The following ADAMTSL1 variants were observed in gnomAD, a reference collection of about 807,000 sequenced individuals.
ADAMTSL1 encodes ADAMTS like 1.
ADAMTSL1 carries 126 observed loss-of-function variants against 201.8 expected under a neutral mutation model. That is an observed-to-expected ratio of 0.62 (90% CI 0.54 to 0.72). The LOEUF (loss-of-function observed/expected upper bound fraction) is 0.72. Ranked by LOEUF, ADAMTSL1 falls within the 30% of genes least tolerant of loss-of-function variation. The pLI is 0.00. For synonymous variants in ADAMTSL1, 1,121 were observed against 903.4 expected, an observed-to-expected ratio of 1.24 and a Z score of -4.32; for missense variants, 2,679 against 2,277.8, an observed-to-expected ratio of 1.18 and a Z score of -3.59.
At chr9:17,918,785 A>G (rs906321646) in intron 1 of ADAMTSL1, among the ~76,000 whole-genome samples, 4 of 151,878 alleles carry the variant, frequency 2.6e-5, no homozygotes, top group African/African-American at 7.2e-5. Context: ...TGACATCTCT[A>G]TATTACCACT....
intron 2 of ADAMTSL1, among the ~76,000 whole-genome samples, chr9:18,319,135 C>T (rs1047184850): frequency 6.6e-6 from 1 of 151,956 alleles, no homozygotes; most frequent in Non-Finnish European, 1.5e-5. Flanking sequence ...CACTTGAGCC[C>T]AGGAGTTCAA....
At chr9:18,662,206 A>T in intron 9 of ADAMTSL1, 133 bp downstream of exon 9, 2 of 1,216,080 alleles carry the variant, frequency 1.6e-6, no homozygotes, top group Non-Finnish European at 2.3e-6. Flanking sequence ...TCCAGTGTTC[A>T]TTACTAATCA....
chr9:18,902,510 G>A (rs1830069039), intron 26 of ADAMTSL1, among the ~76,000 whole-genome samples: 1 of 69,486 alleles, frequency 1.4e-5, no homozygotes, highest in Non-Finnish European at 3.8e-5. Context: ...CAGTAAATCA[G>A]TCAGAAAAGA....
intron 2 of ADAMTSL1, among the ~76,000 whole-genome samples, chr9:18,440,372 T>G (rs928243447): frequency 5.3e-5 from 8 of 152,034 alleles, no homozygotes; most frequent in African/African-American, 1.9e-4. Context: ...GTTAGGTTTC[T>G]ATAAATACTA....
At chr9:18,262,572 C>A (rs944766888) in intron 2 of ADAMTSL1, among the ~76,000 whole-genome samples, 2 of 152,060 alleles carry the variant, frequency 1.3e-5, no homozygotes, top group Non-Finnish European at 1.5e-5. Context: ...ATGGGAGCTT[C>A]TTGCAGGAGT....
intron 1 of ADAMTSL1, among the ~76,000 whole-genome samples, chr9:17,974,476 C>A (rs1818355916): frequency 6.6e-6 from 1 of 151,980 alleles, no homozygotes; most frequent in African/African-American, 2.4e-5. Flanking sequence ...ACTTATTCAT[C>A]CTACGTAACT....
chr9:18,648,676 G>C (rs1386270476), intron 7 of ADAMTSL1, among the ~76,000 whole-genome samples: 1 of 151,838 alleles, frequency 6.6e-6, no homozygotes, highest in Admixed American at 6.6e-5. Context: ...TGAAATTCTG[G>C]GTTGAAAATT....
intron 4 of ADAMTSL1, among the ~76,000 whole-genome samples, chr9:18,576,435 C>T (rs1240470002): frequency 2.0e-5 from 3 of 152,164 alleles, no homozygotes; most frequent in Non-Finnish European, 4.4e-5. Context: ...AAAATGACAG[C>T]ATAGCTATAG....
chr9:18,636,362 T>C (rs751086618), intron 6 of ADAMTSL1, among the ~76,000 whole-genome samples: 6 of 152,278 alleles, frequency 3.9e-5, no homozygotes, highest in South Asian at 4.1e-4. Flanking sequence ...TCCTTTTTTC[T>C]TCTTTCTTCT....
upstream of ADAMTSL1, among the ~76,000 whole-genome samples, chr9:18,472,269 A>C (rs1821245374): frequency 6.6e-6 from 1 of 152,258 alleles, no homozygotes; most frequent in Admixed American, 6.5e-5. Context: ...TGAGGATTTC[A>C]GACAAAAACA....
chr9:18,425,145 T>C (rs78754366), intron 2 of ADAMTSL1, among the ~76,000 whole-genome samples: 50 of 151,878 alleles, frequency 3.3e-4, no homozygotes, highest in African/African-American at 1.0e-3. Flanking sequence ...TCTCTCTCTC[T>C]CCCCCTCCAC....
intron 3 of ADAMTSL1, among the ~76,000 whole-genome samples, chr9:18,566,555 T>G (rs1821906668): frequency 6.6e-6 from 1 of 152,194 alleles, no homozygotes; most frequent in South Asian, 2.1e-4. Flanking sequence ...GAGGTGATAT[T>G]TGAGCAAAGA....
chr9:18,564,302 C>T (rs1014244358), intron 3 of ADAMTSL1, among the ~76,000 whole-genome samples: 9 of 152,148 alleles, frequency 5.9e-5, no homozygotes, highest in African/African-American at 1.2e-4. Flanking sequence ...GGTGAGGCGA[C>T]GCACCACCCT....
intron 7 of ADAMTSL1, chr9:18,651,284 A>G (rs4977287): frequency 0.26 from 40,058 of 152,142 alleles, 5,799 homozygotes; most frequent in East Asian, 0.65. Flanking sequence ...CTGAAGCTGC[A>G]GACCCAAGGA....
chr9:18,302,715 C>T (rs149841723), intron 2 of ADAMTSL1, among the ~76,000 whole-genome samples: 3 of 152,240 alleles, frequency 2.0e-5, no homozygotes, highest in African/African-American at 4.8e-5. Flanking sequence ...CCTTTTAATG[C>T]TGTCTTATGT....
chr9:18,365,453 G>A (rs1836726473), intron 2 of ADAMTSL1, among the ~76,000 whole-genome samples: 1 of 152,160 alleles, frequency 6.6e-6, no homozygotes, highest in Non-Finnish European at 1.5e-5. Flanking sequence ...AGATACCTCA[G>A]AGTAGAGAGG....
Position 17,924,325 on chromosome 9 carries a change from G to C in ADAMTSL1, c.87+17403G>C, listed in dbSNP as rs1314374242. ...AGCTCCCGTTATTGGTCTATTCAGA[G>C]ATTCAACTTCTTCCTGGTTTAGTCT... On this transcript the variant is annotated intron_variant, in intron 1 of 29. Transcript: ENST00000680146. Among the ~76,000 whole-genome samples, 5 of 152,154 alleles carry C rather than the reference G, an allele frequency of 3.3e-5. No individual in the cohort carries two copies. The South Asian group carries it at 1.0e-3, about 31-fold the overall frequency.
At chr9:18,620,469 T>TA (rs1271132254) in intron 4 of ADAMTSL1, among the ~76,000 whole-genome samples, 6 of 152,202 alleles carry the variant, frequency 3.9e-5, no homozygotes, top group Non-Finnish European at 7.3e-5. Flanking sequence ...CTTTTATAAA[T>TA]AAAATACTTC....
At chr9:18,283,046 G>T (rs1437028030) in intron 2 of ADAMTSL1, among the ~76,000 whole-genome samples, 1 of 152,182 alleles carries the variant, frequency 6.6e-6, no homozygotes, top group African/African-American at 2.4e-5. Flanking sequence ...TAAAAGAAGA[G>T]AATTGAAATC....
Sources: allele counts gnomAD v4.1 joint callset (sites outside exome capture counted in the v4.1 genomes callset), GRCh38; gene constraint gnomAD v4.1.1; transcripts MANE v1.5; gene names NCBI Gene and HGNC (gene_info 2026-07-23, HGNC 2026-07-21).